The following USF3 variants were observed in gnomAD, a reference collection of about 807,000 sequenced individuals.
The protein encoded by USF3 is upstream transcription factor family member 3.
Under a neutral mutation model 157.5 loss-of-function variants are expected in USF3, and 29 were observed. The ratio of observed to expected loss-of-function variants is 0.18; its 90% CI spans 0.14 to 0.25. The LOEUF (loss-of-function observed/expected upper bound fraction) is 0.25. Ranked by LOEUF, USF3 falls within the 10% of genes least tolerant of loss-of-function variation. The probability of loss-of-function intolerance (pLI) is 1.00; values close to 1 mark genes in which losing one functional copy is unlikely to be tolerated. For synonymous variants in USF3, 893 were observed against 941.4 expected (o/e 0.95, Z 0.94); for missense variants, 2,381 against 2,667.6 (o/e 0.89, Z 2.37).
chr3:113,655,577 T>C lies in USF3; in HGVS notation c.6105A>G (p.Gly2035=). ...TATCAGGCATGAAACGAACAATACT[T>C]CCTCTCTTCTCTGTGGCAGGTTGTT... ...GRQQPATEKR[G]SIVRFMPDSP... is the part of the protein sequence containing the mutation. Residue 2035 remains glycine (G), a synonymous_variant, in exon 7 of 7, where the codon GGA becomes GGG. Coordinates refer to ENST00000316407, the MANE Select transcript of USF3 (RefSeq NM_001009899.4). 1 of 1,614,172 alleles carries C rather than the reference T, an allele frequency of 6.2e-7. No individual in the cohort carries two copies. The highest frequency in any genetic ancestry group is 8.5e-7 in the Non-Finnish European group (1 of 1,180,012).
In USF3 at chr3:113,654,825, A is replaced by G; in HGVS notation, c.*119T>C. The G allele has an allele frequency of 8.6e-7, 1 of 1,159,426 alleles. No individual in the cohort carries two copies. The highest frequency in any genetic ancestry group is 2.5e-5 in the East Asian group (1 of 39,326). The allele number at this position is 1,159,426 out of a possible 1,614,324, so 71.8% of individuals were successfully genotyped here. A position where few individuals can be genotyped will look rare whatever the true frequency, so the allele number is the denominator to read the frequency against. The stretch of plus-strand genomic sequence containing the variant: ...CTTCCCTACATTCAGAAGATAACTG[A>G]AAACTGATTATACAGACACACACAC... On this transcript the variant is annotated 3_prime_UTR_variant, in exon 7 of 7. Coordinates refer to ENST00000316407, the MANE Select transcript of USF3 (RefSeq NM_001009899.4).
At chr3:113,689,169 A>G (rs1707629905) in intron 1 of USF3, among the ~76,000 whole-genome samples, 1 of 152,242 alleles carries the variant, frequency 6.6e-6, no homozygotes, top group South Asian at 2.1e-4. Flanking sequence ...CACATCTCAA[A>G]GCTGGCAGGT....
chr3:113,684,802 C>A (rs1044388525), intron 1 of USF3, among the ~76,000 whole-genome samples: 2 of 152,090 alleles, frequency 1.3e-5, no homozygotes, highest in African/African-American at 4.8e-5. Flanking sequence ...ATTTTGAATT[C>A]TCTGTCTCAA....
intron 1 of USF3, among the ~76,000 whole-genome samples, chr3:113,680,968 GT>G (rs1333221748): frequency 6.6e-6 from 1 of 151,742 alleles, no homozygotes; most frequent in African/African-American, 2.4e-5. Flanking sequence ...TTTATTTGAA[GT>G]TTTTCTACTT....
rs144597278 is a variant in USF3 at position 113,682,360 on chromosome 3, A to C, written c.-134-4963T>G. On this transcript the variant is annotated intron_variant, in intron 1 of 6. Transcript: ENST00000316407. ...CAAAAAACAAACAAACAAAAAAAAA[A>C]AACACCACTTGCTTTGTGGCCTAAC... Among the ~76,000 whole-genome samples the C allele has an allele frequency of 2.1e-3, 326 of 152,166 alleles. 8 individuals are homozygous for C. The East Asian group carries it at 0.052, about 24-fold the overall frequency.
chr3:113,670,084 C>A, intron 5 of USF3, 37 bp downstream of exon 5: 1 of 1,357,018 alleles, frequency 7.4e-7, no homozygotes, highest in South Asian at 1.2e-5. Context: ...ATTGTCTGTT[C>A]ATAAGTAATG....
chr3:113,669,426 C>A (rs1707094510), intron 5 of USF3, among the ~76,000 whole-genome samples: 1 of 151,696 alleles, frequency 6.6e-6, no homozygotes. Context: ...CTTTTTAGTG[C>A]TGTTTGCTAT....
Position 113,673,341 on chromosome 3 carries a change from T to C in USF3, c.76+7A>G. 6.3e-7 allele frequency: 1 copy of C among 1,596,338 alleles called. No homozygotes were observed. Among genetic ancestry groups the C allele is most frequent in the Non-Finnish European group, 8.6e-7 (1 of 1,166,736 alleles). ...ATGCTAACAGGTAAAATTTAAATTG[T>C]TTCTACCTGCATTGTGTGTCTCCCG... On this transcript the variant is annotated splice_region_variant and intron_variant, in intron 4 of 6. Transcript: ENST00000316407.
chr3:113,683,881 C>T (rs1028903497), intron 1 of USF3, among the ~76,000 whole-genome samples: 7 of 152,232 alleles, frequency 4.6e-5, no homozygotes, highest in African/African-American at 1.7e-4. Context: ...CTATTCAAGA[C>T]ATGAGTATCT....
rs989508095 is a variant in USF3 at position 113,648,661 on chromosome 3, A to G, written c.*6283T>C. ...TCCATTACAAAACAAATTAGTTTCC[A>G]TAAGAATTATAAACCAGGAGATTTA... is the stretch of plus-strand genomic sequence containing the variant. On this transcript the variant is annotated 3_prime_UTR_variant, in exon 7 of 7. Coordinates refer to ENST00000316407, the MANE Select transcript of USF3 (RefSeq NM_001009899.4). The G allele has an allele frequency of 1.3e-5, 2 of 152,626 alleles. No homozygotes were observed. Among genetic ancestry groups the G allele is most frequent in the Non-Finnish European group, 2.9e-5 (2 of 68,020 alleles). The allele number at this position is 152,626 out of a possible 1,614,324, so 9.5% of individuals were successfully genotyped here. A position where few individuals can be genotyped will look rare whatever the true frequency, so the allele number is the denominator to read the frequency against.
chr3:113,670,392 A>G (rs1464862279), intron 4 of USF3, among the ~76,000 whole-genome samples, 189 bp from the exon 5 acceptor site: 1 of 152,192 alleles, frequency 6.6e-6, no homozygotes, highest in East Asian at 1.9e-4. Context: ...TGAGGTCAGG[A>G]GTTCGAGACC....
In USF3 at chr3:113,660,819, T is replaced by C; in HGVS notation, c.863A>G (p.Glu288Gly). 2 of 1,614,204 alleles carry C rather than the reference T, an allele frequency of 1.2e-6. No individual in the cohort carries two copies. Among genetic ancestry groups the C allele is most frequent in the South Asian group, 1.1e-5 (1 of 91,084 alleles). The change falls in exon 7 of 7, where the codon GAG (glutamate) becomes GGG (glycine). Residue 288 changes from glutamate (E) to glycine (G), a missense_variant. Transcript: ENST00000316407. Reference protein sequence around the residue: ...QNSSENKNGQENPKVLKKMTP... With the variant: ...QNSSENKNGQGNPKVLKKMTP... ...CATTTTCTTCAATACTTTGGGGTTC[T>C]CTTGTCCATTCTTATTTTCAGAAGA...
chr3:113,664,357 C>T lies in USF3; in HGVS notation c.212G>A (p.Arg71Lys). 1 of 1,610,250 alleles carries T rather than the reference C, an allele frequency of 6.2e-7. No individual in the cohort carries two copies. Among genetic ancestry groups the T allele is most frequent in the Non-Finnish European group, 8.5e-7 (1 of 1,177,648 alleles). Residue 71 changes from arginine to lysine, a missense_variant, in exon 6 of 7, where the codon AGG (arginine) becomes AAG (lysine). Physicochemically the swap from Arg to Lys is conservative, Grantham distance 26. Coordinates refer to ENST00000316407, the MANE Select transcript of USF3 (RefSeq NM_001009899.4). ...ATTAAGCAGGAGTTCATCATTTTGC[C>T]TTTTCAATTCTGTTATATATTTAAA... ...QAFKYITELK[R>K]QNDELLLNGG...
At position 113,653,076 on chromosome 3, in the gene USF3, G is replaced by A; in HGVS notation, c.*1868C>T. 1 of 285,268 alleles carries A rather than the reference G, an allele frequency of 3.5e-6. No individual in the cohort carries two copies. The highest frequency in any genetic ancestry group is 6.2e-6 in the Non-Finnish European group (1 of 161,268). 17.7% of individuals were successfully genotyped at this position (285,268 alleles called of 1,614,324 possible). A position where few individuals can be genotyped will look rare whatever the true frequency, so the allele number is the denominator to read the frequency against. On this transcript the variant is annotated 3_prime_UTR_variant, in exon 7 of 7. Coordinates refer to ENST00000316407, the MANE Select transcript of USF3 (RefSeq NM_001009899.4). ...CTCAAAAAAAAAAGAAAAGAAGAAA[G>A]AAAAGAAAAGCTGGTCCTTGAGTTC...
In USF3 at chr3:113,660,639, G is replaced by C; in HGVS notation, c.1043C>G (p.Pro348Arg). 1.9e-6 allele frequency: 3 copies of C among 1,614,122 alleles called. No individual in the cohort carries two copies. The highest frequency in any genetic ancestry group is 2.5e-6 in the Non-Finnish European group (3 of 1,180,000). The change falls in exon 7 of 7, where the codon CCC (proline) becomes CGC (arginine). Residue 348 changes from proline to arginine, a missense_variant. Physicochemically the swap from Pro to Arg is moderately radical, Grantham distance 103. Transcript: ENST00000316407. ...SVTTTVCSQP[P>R]RTAGDSSPMS... ...TGGAGAAGAATCACCTGCAGTTCTGGGAGGCTGCGAGCAGACTGTGGTGGT... is the reference window on the plus strand; with the variant it reads ...TGGAGAAGAATCACCTGCAGTTCTGCGAGGCTGCGAGCAGACTGTGGTGGT...
At chr3:113,661,916 G>A (rs374054431) in intron 6 of USF3, among the ~76,000 whole-genome samples, 12 of 152,182 alleles carry the variant, frequency 7.9e-5, no homozygotes, top group Middle Eastern at 3.4e-3. Context: ...GTGCAATCTC[G>A]GCTCACTGCA....
At chr3:113,671,765 C>CTTTTTTTTTTTTTT in intron 4 of USF3, among the ~76,000 whole-genome samples, 1 of 113,138 alleles carries the variant, frequency 8.8e-6, no homozygotes. Flanking sequence ...TTTCTTCTTC[C>CTTTTTTTTTTTTTT]TTTTTTTTTT....
At chr3:113,663,896 T>G (rs528821990) in intron 6 of USF3, among the ~76,000 whole-genome samples, 75 of 152,348 alleles carry the variant, frequency 4.9e-4, no homozygotes, top group African/African-American at 1.8e-3. Flanking sequence ...GTTTTGGCCT[T>G]TTTTGCTAAT....
At chr3:113,677,982 T>TCTCCCCTCCCCTCCC (rs369086180) in intron 1 of USF3, among the ~76,000 whole-genome samples, 1 of 150,512 alleles carries the variant, frequency 6.6e-6, no homozygotes, top group African/African-American at 2.5e-5. Context: ...TGGGTGATCT[T>TCTCCCCTCCCCTCCC]CTCCCCTCCC....
Sources: gnomAD v4.1 joint callset for allele counts (sites outside exome capture counted in the v4.1 genomes callset) on GRCh38, gnomAD v4.1.1 for gene constraint, MANE v1.5 for transcripts, NCBI Gene and HGNC (gene_info 2026-07-23, HGNC 2026-07-21) for gene names.